Variants in TTLL5 observed in about 807,000 individuals in gnomAD.
The protein encoded by TTLL5 is tubulin tyrosine ligase like 5, also known as tubulin polyglutamylase TTLL5.
A neutral mutation model predicts 168.4 loss-of-function variants in TTLL5; 132 were observed. The observed-to-expected ratio is 0.78, with a 90% CI of 0.68 to 0.91. The LOEUF is 0.91. Ranked by LOEUF, TTLL5 falls within the 40% of genes least tolerant of loss-of-function variation. TTLL5 has a pLI of 0.00. For missense variants in TTLL5, 1,545 were observed against 1,581.5 expected, an observed-to-expected ratio of 0.98 and a Z score of 0.39; for synonymous variants, 546 against 558.6, an observed-to-expected ratio of 0.98 and a Z score of 0.32.
chr14:75,838,110 A>G (rs930732692), intron 28 of TTLL5: 3 of 152,148 alleles, frequency 2.0e-5, no homozygotes, highest in East Asian at 1.9e-4. Flanking sequence ...TTTTTCCTAT[A>G]TAAAAGCACT....
At chr14:75,806,086 T>C (rs1183378459) in intron 27 of TTLL5, among the ~76,000 whole-genome samples, 1 of 151,234 alleles carries the variant, frequency 6.6e-6, no homozygotes, top group Non-Finnish European at 1.5e-5. Context: ...TGGAGTGCAG[T>C]GGTGCGCGAT....
At chr14:75,842,313 C>T (rs1215874067) in intron 28 of TTLL5, among the ~76,000 whole-genome samples, 2 of 152,168 alleles carry the variant, frequency 1.3e-5, no homozygotes, top group African/African-American at 2.4e-5. Flanking sequence ...CCCACTTTTA[C>T]TGATGATGAA....
At chr14:75,715,264 CTTTTTT>C (rs1201985101) in intron 9 of TTLL5, among the ~76,000 whole-genome samples, 1 of 130,950 alleles carries the variant, frequency 7.6e-6, no homozygotes, top group Non-Finnish European at 1.6e-5. Flanking sequence ...CACCATCTTC[CTTTTTT>C]TTTTTTTTTT....
chr14:75,735,260 TC>T lies in TTLL5; in HGVS notation c.1254del (p.Arg419GlyfsTer21). ...TRPIYPTFES[S>X]RRNPFQKPQR... is the part of the protein sequence containing the mutation. ...GCCAATTTATCCCACCTTTGAGTCTTCCAGGCGAAACCCTTTCCAGAAACCT... is the reference window on the plus strand; with the variant it reads ...GCCAATTTATCCCACCTTTGAGTCTTCAGGCGAAACCCTTTCCAGAAACCT... On this transcript the variant is annotated frameshift_variant, in exon 15 of 32. Transcript: ENST00000298832. LOFTEE classifies it high-confidence loss of function. 6.2e-7 allele frequency: 1 copy of T among 1,614,198 alleles called. No individual in the cohort carries two copies. Among genetic ancestry groups the T allele is most frequent in the Non-Finnish European group, 8.5e-7 (1 of 1,179,996 alleles).
At position 75,825,847 on chromosome 14, in the gene TTLL5, C is replaced by T. The variant is rs531187502; in HGVS notation, c.3326+5686C>T. Among the ~76,000 whole-genome samples the T allele has an allele frequency of 2.0e-5, 3 of 152,166 alleles. No homozygotes were observed. The East Asian group carries it at 5.8e-4, about 29-fold the overall frequency. ...AGTACATGTATGATAAAGGCCTGTA[C>T]TTCCATCTGAATTTTCTCTGCTACT... is the stretch of plus-strand genomic sequence containing the variant. On this transcript the variant is annotated intron_variant, in intron 28 of 31. Transcript: ENST00000298832.
intron 29 of TTLL5, among the ~76,000 whole-genome samples, chr14:75,873,615 G>T (rs1392326512): frequency 6.6e-6 from 1 of 151,924 alleles, no homozygotes; most frequent in Non-Finnish European, 1.5e-5. Flanking sequence ...ACATTTCATT[G>T]TGTGTGTATA....
intron 17 of TTLL5, among the ~76,000 whole-genome samples, chr14:75,750,885 T>C (rs1349505362): frequency 2.0e-5 from 3 of 152,246 alleles, no homozygotes; most frequent in Non-Finnish European, 2.9e-5. Flanking sequence ...AAATATCTTA[T>C]TGTTCTGTAC....
At chr14:75,859,464 A>G (rs924470267) in intron 28 of TTLL5, among the ~76,000 whole-genome samples, 4 of 152,220 alleles carry the variant, frequency 2.6e-5, no homozygotes, top group Non-Finnish European at 4.4e-5. Flanking sequence ...AATACAGCCT[A>G]ATTCACTTTG....
chr14:75,711,496 C>A (rs1424426705), intron 9 of TTLL5: 1 of 152,056 alleles, frequency 6.6e-6, no homozygotes, highest in Non-Finnish European at 1.5e-5. Context: ...CAGATTTTCA[C>A]TGAAACAGGA....
Position 75,669,475 on chromosome 14 carries a change from A to T in TTLL5, c.134A>T (p.His45Leu). The T allele has an allele frequency of 6.2e-7, 1 of 1,614,178 alleles. No homozygotes were observed. Among genetic ancestry groups the T allele is most frequent in the Non-Finnish European group, 8.5e-7 (1 of 1,179,988 alleles). Residue 45 changes from histidine (H) to leucine (L), a missense_variant, in exon 3 of 32, where the codon CAT becomes CTT. Physicochemically the swap from His to Leu is moderately conservative, Grantham distance 99. Coordinates refer to ENST00000298832, the MANE Select transcript of TTLL5 (RefSeq NM_015072.5). ...GCRRIPVLVFHADAILTKDNN... is the reference protein window; with the variant it reads ...GCRRIPVLVFLADAILTKDNN... Reference sequence around the variant, plus strand: ...AGGAGAATTCCAGTTTTGGTATTCCATGCCGACGCTATTCTTACAAAGGAC... The same window carrying T: ...AGGAGAATTCCAGTTTTGGTATTCCTTGCCGACGCTATTCTTACAAAGGAC...
chr14:75,686,406 G>A (rs975306888), intron 5 of TTLL5, among the ~76,000 whole-genome samples: 3 of 152,166 alleles, frequency 2.0e-5, no homozygotes, highest in Non-Finnish European at 4.4e-5. Flanking sequence ...TACTGTAATA[G>A]GATCATTATA....
intron 27 of TTLL5, chr14:75,818,435 G>A (rs1470985011): frequency 3.7e-5 from 14 of 379,608 alleles, no homozygotes; most frequent in African/African-American, 9.1e-5. Flanking sequence ...TTGCTACCAC[G>A]ATTTTTTTTA....
Position 75,779,588 on chromosome 14 carries a change from G to C in TTLL5, c.2401G>C (p.Glu801Gln), listed in dbSNP as rs1372762736. Residue 801 changes from glutamate (E) to glutamine (Q), a missense_variant, in exon 24 of 32, where the codon GAG (glutamate) becomes CAG (glutamine). Glu to Gln is a conservative substitution (Grantham distance 29). Coordinates refer to ENST00000298832, the MANE Select transcript of TTLL5 (RefSeq NM_015072.5). ...TCCTCATTTCAGTGAGGCTGAACTG[G>C]AGGAGGTGTTGACTTTTTATACCCA... ...FIRQASEAEL[E>Q]EVLTFYTQKN... The C allele has an allele frequency of 6.2e-7, 1 of 1,613,626 alleles. No individual in the cohort carries two copies. Among genetic ancestry groups the C allele is most frequent in the South Asian group, 1.1e-5 (1 of 90,946 alleles).
chr14:75,770,042 G>T (rs1891187357), intron 20 of TTLL5, among the ~76,000 whole-genome samples: 1 of 151,884 alleles, frequency 6.6e-6, no homozygotes, highest in Non-Finnish European at 1.5e-5. Context: ...GCTGGGCATA[G>T]TAGTGAGCAC....
intron 31 of TTLL5, among the ~76,000 whole-genome samples, chr14:75,916,666 G>A (rs2033626261): frequency 6.6e-6 from 1 of 152,144 alleles, no homozygotes; most frequent in Non-Finnish European, 1.5e-5. Context: ...ATTACCATAT[G>A]ATCCAGCAAT....
chr14:75,697,468 G>C (rs1027580122), intron 6 of TTLL5, among the ~76,000 whole-genome samples: 9 of 152,154 alleles, frequency 5.9e-5, no homozygotes, highest in Non-Finnish European at 1.2e-4. Context: ...AAGGGAAAAG[G>C]CAGAGGAAGA....
chr14:75,854,839 A>G (rs1897049271), intron 28 of TTLL5, among the ~76,000 whole-genome samples: 1 of 151,980 alleles, frequency 6.6e-6, no homozygotes, highest in East Asian at 1.9e-4. Flanking sequence ...CTTAAATCTC[A>G]TTATTTTTGT....
intron 28 of TTLL5, among the ~76,000 whole-genome samples, chr14:75,849,852 A>G (rs929686921): frequency 5.9e-5 from 9 of 152,092 alleles, no homozygotes; most frequent in South Asian, 4.1e-4. Flanking sequence ...TGTAATCCCA[A>G]TACTGTGGGA....
intron 23 of TTLL5, among the ~76,000 whole-genome samples, chr14:75,779,356 A>T (rs1248053292): frequency 6.6e-6 from 1 of 152,172 alleles, no homozygotes; most frequent in African/African-American, 2.4e-5. Flanking sequence ...GACAGTGTAG[A>T]TCTAGAAAAT....
Sources: allele counts gnomAD v4.1 joint callset (sites outside exome capture counted in the v4.1 genomes callset), GRCh38; gene constraint gnomAD v4.1.1; transcripts MANE v1.5; gene names NCBI Gene and HGNC (gene_info 2026-07-23, HGNC 2026-07-21).